Variants in PCDH15 observed in about 807,000 individuals in gnomAD.
PCDH15 encodes the protein protocadherin-15.
Under a neutral mutation model 178.5 loss-of-function variants are expected in PCDH15, and 129 were observed. The ratio of observed to expected loss-of-function variants is 0.72; its 90% CI spans 0.63 to 0.84. The LOEUF (loss-of-function observed/expected upper bound fraction) is 0.84. PCDH15 is among the 40% of genes least tolerant of loss of function. The probability of loss-of-function intolerance (pLI) is 0.00; values close to 1 mark genes in which losing one functional copy is unlikely to be tolerated. For synonymous variants in PCDH15, 800 were observed against 732.0 expected, an observed-to-expected ratio of 1.09 and a Z score of -1.50; for missense variants, 2,230 against 2,099.9, an observed-to-expected ratio of 1.06 and a Z score of -1.21.
At chr10:55,284,130 A>G (rs1403418279) in intron 1 of PCDH15, among the ~76,000 whole-genome samples, 2 of 152,156 alleles carry the variant, frequency 1.3e-5, no homozygotes, top group African/African-American at 4.8e-5. Flanking sequence ...ACTGCTGTCT[A>G]TGGTTTTCTA....
intron 4 of PCDH15, among the ~76,000 whole-genome samples, chr10:54,372,716 A>G (rs1223796364): frequency 6.8e-6 from 1 of 146,616 alleles, no homozygotes; most frequent in Non-Finnish European, 1.5e-5. Context: ...TTATTCATCA[A>G]ACAAAGAAGA....
chr10:55,088,973 G>T (rs536713886), intron 2 of PCDH15, among the ~76,000 whole-genome samples: 1 of 151,896 alleles, frequency 6.6e-6, no homozygotes, highest in Non-Finnish European at 1.5e-5. Flanking sequence ...ACTACTGTTT[G>T]GGAGAAATAT....
rs79980122 is a variant in PCDH15 at position 55,541,987 on chromosome 10, T to C, written c.-156+85638A>G. The stretch of plus-strand genomic sequence containing the variant: ...CAATAAATGAGTCAGAAGAATACAA[T>C]ATATAAACCTGAGAGGGAACAAAAT... On this transcript the variant is annotated intron_variant, in intron 2 of 5. Transcript: ENST00000613346. Among the ~76,000 whole-genome samples, 1,036 of 151,804 alleles carry C rather than the reference T, an allele frequency of 6.8e-3. 12 individuals carry two copies. Among genetic ancestry groups the C allele is most frequent in the African/African-American group, 0.024 (995 of 41,498 alleles).
intron 2 of PCDH15, among the ~76,000 whole-genome samples, chr10:55,392,397 CAATTATTTTTAACT>C (rs764386531): frequency 6.6e-6 from 1 of 152,062 alleles, no homozygotes; most frequent in Non-Finnish European, 1.5e-5. Flanking sequence ...GCATTTGTCA[CAATTATTTTTAACT>C]AAAGTTCATC....
chr10:54,842,388 T>A (rs1370917230), intron 3 of PCDH15, among the ~76,000 whole-genome samples: 1 of 151,902 alleles, frequency 6.6e-6, no homozygotes, highest in Non-Finnish European at 1.5e-5. Context: ...TAACTCACAC[T>A]TAGTAATTTG....
At chr10:53,894,676 C>G (rs1021888258) in intron 26 of PCDH15, among the ~76,000 whole-genome samples, 1 of 152,144 alleles carries the variant, frequency 6.6e-6, no homozygotes, top group Non-Finnish European at 1.5e-5. Context: ...GCTATTTGAC[C>G]TCTAAAATGT....
At chr10:54,033,668 T>G (rs2093353295) in intron 18 of PCDH15, among the ~76,000 whole-genome samples, 1 of 152,046 alleles carries the variant, frequency 6.6e-6, no homozygotes, top group Non-Finnish European at 1.5e-5. Context: ...TTGCATTTTA[T>G]GTGATAATCT....
At chr10:54,522,086 T>TAA (rs2082933972) in intron 3 of PCDH15, among the ~76,000 whole-genome samples, 1 of 35,766 alleles carries the variant, frequency 2.8e-5, no homozygotes, top group African/African-American at 1.7e-4. Flanking sequence ...AGAATCCATC[T>TAA]CAAAAAAAAA....
At chr10:54,360,252 C>A (rs895002842) in intron 5 of PCDH15, among the ~76,000 whole-genome samples, 1 of 152,092 alleles carries the variant, frequency 6.6e-6, no homozygotes, top group Non-Finnish European at 1.5e-5. Context: ...TTCCTATTGA[C>A]CTTCATTTCC....
chr10:54,218,094 T>C (rs1564707871), intron 9 of PCDH15, among the ~76,000 whole-genome samples: 1 of 152,086 alleles, frequency 6.6e-6, no homozygotes, highest in African/African-American at 2.4e-5. Context: ...AATTAGAAAA[T>C]AAGAAAACAG....
intron 1 of PCDH15, among the ~76,000 whole-genome samples, chr10:55,246,019 C>T (rs1382099679): frequency 6.6e-6 from 1 of 152,148 alleles, no homozygotes; most frequent in Admixed American, 6.6e-5. Context: ...ATACCAGTAT[C>T]CTACACAGAG....
chr10:55,555,870 CAT>C (rs966185139), intron 2 of PCDH15, among the ~76,000 whole-genome samples: 1 of 152,042 alleles, frequency 6.6e-6, no homozygotes, highest in African/African-American at 2.4e-5. Context: ...AATGGCTCTC[CAT>C]AGTCGCATTA....
chr10:54,104,666 TCTCTA>T (rs1335981165), intron 15 of PCDH15, among the ~76,000 whole-genome samples: 4 of 96,190 alleles, frequency 4.2e-5, no homozygotes, highest in African/African-American at 1.3e-4. Context: ...TGAAACCCCG[TCTCTA>T]CTAAAAATAC....
At chr10:54,687,279 AT>A (rs777471719) in intron 1 of PCDH15, among the ~76,000 whole-genome samples, 7 of 152,182 alleles carry the variant, frequency 4.6e-5, no homozygotes. Context: ...TGGAACTACC[AT>A]ATGATTCAGT....
At chr10:54,673,431 CT>C (rs112112293) in intron 1 of PCDH15, among the ~76,000 whole-genome samples, 3 of 151,948 alleles carry the variant, frequency 2.0e-5, no homozygotes, top group Middle Eastern at 3.4e-3. Context: ...AAACATATAA[CT>C]TTTTTTTGTT....
chr10:53,886,423 T>A (rs1288971117), intron 26 of PCDH15, among the ~76,000 whole-genome samples: 2 of 152,270 alleles, frequency 1.3e-5, no homozygotes, highest in East Asian at 3.9e-4. Context: ...GTCCTTTATA[T>A]ATTATATTCA....
intron 8 of PCDH15, among the ~76,000 whole-genome samples, chr10:54,302,450 A>G (rs1564910255): frequency 6.6e-6 from 1 of 152,108 alleles, no homozygotes; most frequent in African/African-American, 2.4e-5. Context: ...GAAGGTTGGG[A>G]GGTGATTAGG....
chr10:55,129,084 G>T (rs140127316), intron 2 of PCDH15, among the ~76,000 whole-genome samples: 2,120 of 152,188 alleles, frequency 0.014, 37 homozygotes, highest in Admixed American at 0.054. Context: ...TATAGGATAG[G>T]ATCTCTGAAT....
intron 1 of PCDH15, among the ~76,000 whole-genome samples, chr10:55,202,783 G>C (rs530944929): frequency 6.6e-6 from 1 of 152,112 alleles, no homozygotes; most frequent in Non-Finnish European, 1.5e-5. Flanking sequence ...GTTCTCACAA[G>C]ATCTGATGGT....
Sources: allele counts gnomAD v4.1 joint callset (sites outside exome capture counted in the v4.1 genomes callset), GRCh38; gene constraint gnomAD v4.1.1; transcripts MANE v1.5; gene names NCBI Gene and HGNC (gene_info 2026-07-23, HGNC 2026-07-21).